UNC5D: variants seen among roughly 807,000 people sequenced by gnomAD.
UNC5D encodes unc-5 netrin receptor D.
In UNC5D, 39 loss-of-function variants were observed where a neutral mutation model predicts 105.4. The observed-to-expected ratio is 0.37, with a 90% confidence interval of 0.29 to 0.48. The LOEUF (loss-of-function observed/expected upper bound fraction) is 0.48. Ranked by LOEUF, UNC5D falls within the 20% of genes least tolerant of loss-of-function variation. The pLI, the probability that UNC5D is intolerant of heterozygous loss-of-function variation, is 0.98. For synonymous variants in UNC5D, 452 were observed against 450.4 expected (o/e 1.00, Z -0.04); for missense variants, 991 against 1,202.4 (o/e 0.82, Z 2.60).
At chr8:35,702,718 T>C (rs1827293357) in intron 7 of UNC5D, among the ~76,000 whole-genome samples, 1 of 152,174 alleles carries the variant, frequency 6.6e-6, no homozygotes, top group Non-Finnish European at 1.5e-5. Flanking sequence ...ATATTTCCTT[T>C]TGGGAAAATG....
intron 1 of UNC5D, among the ~76,000 whole-genome samples, chr8:35,380,206 AGAGAGAGAGAGAGAGG>A (rs1183141850): frequency 2.9e-4 from 44 of 150,334 alleles, no homozygotes; most frequent in Admixed American, 6.0e-4. Context: ...AGGGAGAGAG[AGAGAGAGAGAGAGAGG>A]GAGAGAGAGA....
chr8:35,501,852 G>A (rs1432756456), intron 1 of UNC5D, among the ~76,000 whole-genome samples: 2 of 152,178 alleles, frequency 1.3e-5, no homozygotes, highest in Non-Finnish European at 2.9e-5. Flanking sequence ...AAAACTTTGT[G>A]TGTTGAAGAA....
At chr8:35,741,628 T>G (rs1829768291) in intron 11 of UNC5D, among the ~76,000 whole-genome samples, 1 of 152,122 alleles carries the variant, frequency 6.6e-6, no homozygotes, top group Non-Finnish European at 1.5e-5. Context: ...ACAGTCCCCG[T>G]GTAGTTGGAT....
intron 1 of UNC5D, among the ~76,000 whole-genome samples, chr8:35,534,282 C>G (rs1352111192): frequency 6.6e-6 from 1 of 151,988 alleles, no homozygotes; most frequent in African/African-American, 2.4e-5. Flanking sequence ...CACTGTTGTG[C>G]CATTGTTTCC....
rs188735081 is a variant in UNC5D at position 35,789,833 on chromosome 8, A to G, written c.2658-526A>G. ...GGTCAAATATTTTGAAAAAATAGGA[A>G]TGAGTGAAAGTATGACATAAACTAA... is the stretch of plus-strand genomic sequence containing the variant. On this transcript the variant is annotated intron_variant, in intron 16 of 16. Transcript: ENST00000404895. Among the ~76,000 whole-genome samples the G allele has an allele frequency of 5.3e-4, 81 of 151,942 alleles. No individual in the cohort carries two copies. The East Asian group carries it at 0.013, about 24-fold the overall frequency.
At chr8:35,449,283 C>G (rs1460696172) in intron 1 of UNC5D, among the ~76,000 whole-genome samples, 7 of 152,108 alleles carry the variant, frequency 4.6e-5, no homozygotes. Context: ...TCTCCCTAAC[C>G]CTGTGTTTCT....
rs537242767 is a variant in UNC5D at position 35,788,628 on chromosome 8, G to T, written c.2658-1731G>T. On this transcript the variant is annotated intron_variant, in intron 16 of 16. Transcript: ENST00000404895. ...TATCATAAGTGCTGTAGCAGTTTCA[G>T]AAAATCAGTAGATATGATCCTTACC... Among the ~76,000 whole-genome samples, 23 of 152,004 alleles carry T rather than the reference G, an allele frequency of 1.5e-4. No individual in the cohort carries two copies. The South Asian group carries it at 3.7e-3, about 25-fold the overall frequency.
At chr8:35,734,782 A>ATTTTT (rs1171276656) in intron 11 of UNC5D, among the ~76,000 whole-genome samples, 7 of 126,720 alleles carry the variant, frequency 5.5e-5, no homozygotes, top group African/African-American at 1.9e-4. Flanking sequence ...CACACTTTAA[A>ATTTTT]TTTTTTTTTT....
At chr8:35,680,418 A>T (rs564283728) in intron 4 of UNC5D, among the ~76,000 whole-genome samples, 53 of 151,410 alleles carry the variant, frequency 3.5e-4, no homozygotes, top group African/African-American at 1.2e-3. Context: ...TGTTTTGTGG[A>T]TTTTTTTTTA....
At chr8:35,516,450 A>C (rs1586026303) in intron 1 of UNC5D, among the ~76,000 whole-genome samples, 1 of 152,320 alleles carries the variant, frequency 6.6e-6, no homozygotes, top group South Asian at 2.1e-4. Flanking sequence ...GTGGTGGTCC[A>C]CCACTAGCAC....
At chr8:35,307,314 A>G (rs1585547913) in intron 1 of UNC5D, among the ~76,000 whole-genome samples, 1 of 152,232 alleles carries the variant, frequency 6.6e-6, no homozygotes, top group Non-Finnish European at 1.5e-5. Context: ...GTAGTGACTC[A>G]TTACTACTTT....
chr8:35,238,567 A>G (rs550169263), intron 1 of UNC5D, among the ~76,000 whole-genome samples: 11 of 152,228 alleles, frequency 7.2e-5, no homozygotes, highest in African/African-American at 2.6e-4. Context: ...AATCCACATC[A>G]TGTTGTCATA....
At chr8:35,583,340 G>A (rs548618474) in intron 3 of UNC5D, among the ~76,000 whole-genome samples, 1 of 152,258 alleles carries the variant, frequency 6.6e-6, no homozygotes, top group South Asian at 2.1e-4. Flanking sequence ...GTGACAGAGA[G>A]AGACCCAATC....
chr8:35,465,915 A>G (rs1043189287), intron 1 of UNC5D, among the ~76,000 whole-genome samples: 4 of 152,158 alleles, frequency 2.6e-5, no homozygotes, highest in African/African-American at 9.7e-5. Flanking sequence ...AAGGTGGAGG[A>G]AGGGACCATG....
At chr8:35,765,348 T>G (rs1801718630) in intron 14 of UNC5D, among the ~76,000 whole-genome samples, 1 of 152,214 alleles carries the variant, frequency 6.6e-6, no homozygotes, top group South Asian at 2.1e-4. Flanking sequence ...GCCCACTTCT[T>G]GCACAGGAAT....
intron 1 of UNC5D, among the ~76,000 whole-genome samples, chr8:35,469,149 T>G (rs1809526359): frequency 6.6e-6 from 1 of 152,224 alleles, no homozygotes; most frequent in Non-Finnish European, 1.5e-5. Context: ...ATGAACGGCA[T>G]TCATTTATCA....
chr8:35,686,607 C>A lies in UNC5D; in HGVS notation c.982C>A (p.Arg328=), dbSNP rs768683952. 2 of 1,607,182 alleles carry A rather than the reference C, an allele frequency of 1.2e-6. No homozygotes were observed. Among genetic ancestry groups the A allele is most frequent in the Admixed American group, 1.7e-5 (1 of 57,754 alleles). Residue 328 remains arginine (R), a synonymous_variant, in exon 7 of 17, where the codon CGG becomes AGG. Coordinates refer to ENST00000404895, the MANE Select transcript of UNC5D (RefSeq NM_080872.4). ...SVCSPECEHL[R]IRECTAPPPR... ...CTGCAGTCCAGAGTGTGAACATTTG[C>A]GGATCCGGGAGTGCACAGCACCACC...
chr8:35,541,787 A>G (rs1815294902), intron 1 of UNC5D, among the ~76,000 whole-genome samples: 1 of 152,154 alleles, frequency 6.6e-6, no homozygotes, highest in Non-Finnish European at 1.5e-5. Flanking sequence ...TGTCTTAGTC[A>G]TCTTTGAATC....
chr8:35,389,738 T>TAAAA (rs5890808), intron 1 of UNC5D, among the ~76,000 whole-genome samples: 1 of 126,558 alleles, frequency 7.9e-6, no homozygotes. Flanking sequence ...CTGGCTGATT[T>TAAAA]AAAAAAAAAA....
Sources: gnomAD v4.1 joint callset for allele counts (sites outside exome capture counted in the v4.1 genomes callset) on GRCh38, gnomAD v4.1.1 for gene constraint, MANE v1.5 for transcripts, NCBI Gene and HGNC (gene_info 2026-07-23, HGNC 2026-07-21) for gene names.